The following VWA8 variants were observed in gnomAD, a reference collection of about 807,000 sequenced individuals.
The protein encoded by VWA8 is von Willebrand factor A domain containing 8, also known as von Willebrand factor A domain-containing protein 8.
In VWA8, 221 loss-of-function variants were observed where a neutral mutation model predicts 241.5. The ratio of observed to expected loss-of-function variants is 0.91; its 90% CI spans 0.82 to 1.02. VWA8 has a LOEUF of 1.02. Ranked by LOEUF, VWA8 falls within the 50% of genes least tolerant of loss-of-function variation. The probability of loss-of-function intolerance (pLI) is 0.00; values close to 1 mark genes in which losing one functional copy is unlikely to be tolerated. For synonymous variants in VWA8, 852 were observed against 827.1 expected, an observed-to-expected ratio of 1.03 and a Z score of -0.52; for missense variants, 2,322 against 2,328.7, an observed-to-expected ratio of 1.00 and a Z score of 0.06.
At chr13:41,725,809 C>T (rs1180106858) in intron 24 of VWA8, among the ~76,000 whole-genome samples, 1 of 152,156 alleles carries the variant, frequency 6.6e-6, no homozygotes, top group Non-Finnish European at 1.5e-5. Flanking sequence ...CAATTAGAAA[C>T]AACTTTTCTT....
chr13:41,866,019 C>T lies in VWA8; in HGVS notation c.1230G>A (p.Arg410=), dbSNP rs769598678. The T allele has an allele frequency of 6.2e-7, 1 of 1,614,082 alleles. No individual in the cohort carries two copies. The highest frequency in any genetic ancestry group is 1.1e-5 in the South Asian group (1 of 91,078). The change falls in exon 11 of 45, where the codon AGG becomes AGA. Residue 410 remains arginine, a synonymous_variant. Coordinates refer to ENST00000379310, the MANE Select transcript of VWA8 (RefSeq NM_015058.2). Reference sequence around the variant, plus strand: ...CTGACGCACAAGGTTGACTTAATAGCCTGGTCCCGGCTGGCACCTATAATT... The same window carrying T: ...CTGACGCACAAGGTTGACTTAATAGTCTGGTCCCGGCTGGCACCTATAATT... ...EVTIKVPAGT[R]LLSQPCASDR...
At chr13:41,573,484 A>ATAT (rs796873882) in intron 43 of VWA8, among the ~76,000 whole-genome samples, 84 of 117,012 alleles carry the variant, frequency 7.2e-4, no homozygotes, top group Admixed American at 1.5e-3. Context: ...TAAAAAAAAA[A>ATAT]AAATATATAT....
At chr13:41,618,804 G>T (rs1188591710) in intron 37 of VWA8, among the ~76,000 whole-genome samples, 1 of 152,118 alleles carries the variant, frequency 6.6e-6, no homozygotes, top group Non-Finnish European at 1.5e-5. Flanking sequence ...TGTTATTTCT[G>T]AGGCCTCTGT....
At chr13:41,922,322 A>AT (rs746673853) in intron 2 of VWA8, among the ~76,000 whole-genome samples, 59 of 152,384 alleles carry the variant, frequency 3.9e-4, no homozygotes, top group South Asian at 3.5e-3. Context: ...ACCTAAAACC[A>AT]TAAAAACCCT....
intron 2 of VWA8, among the ~76,000 whole-genome samples, chr13:41,932,403 T>C (rs1417323008): frequency 6.6e-6 from 1 of 152,086 alleles, no homozygotes; most frequent in Non-Finnish European, 1.5e-5. Context: ...ATCAATTTTA[T>C]ACAAATTCAT....
At chr13:41,611,322 T>A (rs2044586548) in intron 39 of VWA8, among the ~76,000 whole-genome samples, 1 of 152,204 alleles carries the variant, frequency 6.6e-6, no homozygotes. Flanking sequence ...ATTCCCTATG[T>A]TGCCTAGGAA....
chr13:41,600,580 C>T (rs1170420273), intron 40 of VWA8, among the ~76,000 whole-genome samples: 1 of 152,018 alleles, frequency 6.6e-6, no homozygotes, highest in East Asian at 1.9e-4. Flanking sequence ...TACAGATAGC[C>T]ATATAAACAT....
rs554697985 is a variant in VWA8, at chr13:41,650,915, A to G, written c.4611+20031T>C. 4.6e-5 allele frequency among the ~76,000 whole-genome samples: 7 copies of G among 152,340 alleles called. No individual in the cohort carries two copies. In the East Asian group the frequency reaches 1.2e-3, roughly 25 times the overall value. On this transcript the variant is annotated intron_variant, in intron 37 of 44. Transcript: ENST00000379310. Reference sequence around the variant, plus strand: ...GTATGGGCATTCCAGGCAGGGGCCAATGTGAGTGAAGGTGTGGGGTCTGAT... The same window carrying G: ...GTATGGGCATTCCAGGCAGGGGCCAGTGTGAGTGAAGGTGTGGGGTCTGAT...
At chr13:41,950,940 A>G (rs1362505839) in intron 1 of VWA8, among the ~76,000 whole-genome samples, 1 of 151,526 alleles carries the variant, frequency 6.6e-6, no homozygotes, top group African/African-American at 2.4e-5. Flanking sequence ...AAGTGCTGGG[A>G]TTACAGGTGT....
rs77145574 is a variant in VWA8, at chr13:41,616,434, A to T, written c.4612-1350T>A. On this transcript the variant is annotated intron_variant, in intron 37 of 44. Coordinates refer to ENST00000379310, the MANE Select transcript of VWA8 (RefSeq NM_015058.2). ...CCACACACATAATCATGCTCTAAAA[A>T]TGGGTGAAAATAATTTTTCCTCCTG... 6.2e-4 allele frequency among the ~76,000 whole-genome samples: 95 copies of T among 152,350 alleles called. 1 individual carries two copies. The East Asian group carries it at 0.018, about 29-fold the overall frequency.
intron 25 of VWA8, 110 bp downstream of exon 25, chr13:41,721,260 T>C: frequency 9.3e-7 from 1 of 1,077,932 alleles, no homozygotes; most frequent in Non-Finnish European, 1.3e-6. Context: ...TCATGTAATC[T>C]GACTCATTAT....
At chr13:41,814,939 C>T (rs1189655038) in intron 16 of VWA8, among the ~76,000 whole-genome samples, 3 of 152,080 alleles carry the variant, frequency 2.0e-5, no homozygotes, top group Non-Finnish European at 4.4e-5. Flanking sequence ...GTAAAACATA[C>T]ATTATGTCAA....
intron 36 of VWA8, among the ~76,000 whole-genome samples, chr13:41,674,634 G>A (rs369315393): frequency 5.3e-5 from 8 of 152,208 alleles, no homozygotes; most frequent in African/African-American, 1.9e-4. Context: ...TTCTTCAAGG[G>A]ACAGATCAAG....
At chr13:41,684,980 T>A (rs1296855673) in intron 35 of VWA8, 67 bp downstream of exon 35, 18 of 1,321,634 alleles carry the variant, frequency 1.4e-5, no homozygotes, top group Non-Finnish European at 1.9e-5. Context: ...AAATTAAATA[T>A]CCTCTACCAA....
chr13:41,873,430 C>T (rs1322237248), intron 9 of VWA8, among the ~76,000 whole-genome samples: 1 of 152,020 alleles, frequency 6.6e-6, no homozygotes, highest in South Asian at 2.1e-4. Context: ...AATTGACAGA[C>T]CGCTAGCAAG....
intron 8 of VWA8, among the ~76,000 whole-genome samples, chr13:41,884,405 G>A (rs773211406): frequency 2.0e-5 from 3 of 152,078 alleles, no homozygotes; most frequent in Admixed American, 6.5e-5. Context: ...CTTCCACCAC[G>A]ATTGTAAGTT....
At chr13:41,733,248 C>T (rs942999346) in intron 21 of VWA8, among the ~76,000 whole-genome samples, 1 of 152,126 alleles carries the variant, frequency 6.6e-6, no homozygotes, top group African/African-American at 2.4e-5. Context: ...CAATAAAATA[C>T]AAGATAAACT....
chr13:41,896,545 G>A (rs1875118127), intron 4 of VWA8, among the ~76,000 whole-genome samples: 1 of 152,050 alleles, frequency 6.6e-6, no homozygotes, highest in Non-Finnish European at 1.5e-5. Context: ...CTTGGAAGAT[G>A]TTTGTAACAT....
Position 41,719,535 on chromosome 13 carries a change from G to T in VWA8, c.3116+56C>A, listed in dbSNP as rs955156598. 5.0e-6 allele frequency: 8 copies of T among 1,604,578 alleles called. No individual in the cohort carries two copies. The Middle Eastern group carries it at 6.6e-4, about 133-fold the overall frequency. On this transcript the variant is annotated intron_variant, in intron 26 of 44. Coordinates refer to ENST00000379310, the MANE Select transcript of VWA8 (RefSeq NM_015058.2). ...GCAACTCAGTTTTGTAGAATGGAAT[G>T]ATAAATCAAGAACTATCAGCATTTA...
Sources: allele counts gnomAD v4.1 joint callset (sites outside exome capture counted in the v4.1 genomes callset), GRCh38; gene constraint gnomAD v4.1.1; transcripts MANE v1.5; gene names NCBI Gene and HGNC (gene_info 2026-07-23, HGNC 2026-07-21).